Variants in ADAMTS17 observed in about 807,000 individuals in gnomAD.
The protein encoded by ADAMTS17 is ADAM metallopeptidase with thrombospondin type 1 motif 17, also known as A disintegrin and metalloproteinase with thrombospondin motifs 17.
Under a neutral mutation model 141.5 loss-of-function variants are expected in ADAMTS17, and 113 were observed. The observed-to-expected ratio is 0.80, with a 90% CI of 0.69 to 0.93. The LOEUF (loss-of-function observed/expected upper bound fraction) is 0.93. Among genes scored for constraint, ADAMTS17 ranks in the 40% least tolerant of loss-of-function variants. The probability of loss-of-function intolerance (pLI) is 0.00; values close to 1 mark genes in which losing one functional copy is unlikely to be tolerated. For synonymous variants in ADAMTS17, 768 were observed against 630.6 expected (o/e 1.22, Z -3.27); for missense variants, 1,659 against 1,517.9 (o/e 1.09, Z -1.54).
chr15:100,019,199 C>T (rs1314198892), intron 18 of ADAMTS17, among the ~76,000 whole-genome samples: 1 of 152,160 alleles, frequency 6.6e-6, no homozygotes, highest in African/African-American at 2.4e-5. Flanking sequence ...CTATTTAAGA[C>T]ACAACAAACA....
chr15:100,099,746 GA>G (rs2035981247), intron 14 of ADAMTS17, among the ~76,000 whole-genome samples: 2 of 135,990 alleles, frequency 1.5e-5, no homozygotes, highest in African/African-American at 5.6e-5. Flanking sequence ...GGGATGGTAT[GA>G]GATGGTATGA....
At position 100,284,794 on chromosome 15, in the gene ADAMTS17, T is replaced by C. The variant is rs114301298; in HGVS notation, c.617-3393A>G. On this transcript the variant is annotated intron_variant, in intron 3 of 21. Coordinates refer to ENST00000268070, the MANE Select transcript of ADAMTS17 (RefSeq NM_139057.4). ...CTGCACAGATGCCAATATTCACAGA[T>C]GATAGCAACTTCAAAAGTAAGAAGA... 7.6e-3 allele frequency among the ~76,000 whole-genome samples: 1,156 copies of C among 152,296 alleles called. 17 individuals carry two copies. Among genetic ancestry groups the C allele is most frequent in the African/African-American group, 0.026 (1,095 of 41,556 alleles).
At chr15:100,219,236 T>C (rs1005788770) in intron 7 of ADAMTS17, among the ~76,000 whole-genome samples, 1 of 152,204 alleles carries the variant, frequency 6.6e-6, no homozygotes, top group African/African-American at 2.4e-5. Flanking sequence ...ACAGGGTTTA[T>C]TTCTGGGGTG....
intron 3 of ADAMTS17, among the ~76,000 whole-genome samples, chr15:100,292,938 G>C (rs1390282099): frequency 6.6e-6 from 1 of 152,182 alleles, no homozygotes; most frequent in Non-Finnish European, 1.5e-5. Context: ...AAAACACCAA[G>C]GAAGACCCCA....
chr15:100,015,985 C>T (rs1371021837), intron 18 of ADAMTS17, among the ~76,000 whole-genome samples: 2 of 152,216 alleles, frequency 1.3e-5, no homozygotes, highest in African/African-American at 4.8e-5. Flanking sequence ...GATTTCTCTT[C>T]TTCCTCAGGA....
Position 100,133,137 on chromosome 15 carries a change from TTG to T in ADAMTS17, c.1575+75_1575+76del, listed in dbSNP as rs924232800. 8 of 1,364,470 alleles carry T rather than the reference TTG, an allele frequency of 5.9e-6. No individual in the cohort carries two copies. The Admixed American group carries it at 7.9e-5, about 13-fold the overall frequency. The allele number at this position is 1,364,470 out of a possible 1,614,324, so 84.5% of individuals were successfully genotyped here. On this transcript the variant is annotated intron_variant, in intron 11 of 21. Coordinates refer to ENST00000268070, the MANE Select transcript of ADAMTS17 (RefSeq NM_139057.4). ...CAGGGGCTCCTAAGTAGAGTACAGA[TTG>T]TGTGTCAGAAGAGGTGCCAGTTGCC...
At chr15:100,042,950 T>C (rs2031381262) in intron 18 of ADAMTS17, among the ~76,000 whole-genome samples, 1 of 152,244 alleles carries the variant, frequency 6.6e-6, no homozygotes, top group South Asian at 2.1e-4. Context: ...TATATGTATA[T>C]GGTGCATGTA....
chr15:100,151,994 T>C (rs930699518), intron 10 of ADAMTS17, among the ~76,000 whole-genome samples: 1 of 152,190 alleles, frequency 6.6e-6, no homozygotes. Flanking sequence ...TTTGACTTGG[T>C]GTTGTCATCT....
At chr15:100,130,077 T>C (rs187442724) in intron 12 of ADAMTS17, among the ~76,000 whole-genome samples, 1 of 152,218 alleles carries the variant, frequency 6.6e-6, no homozygotes, top group East Asian at 1.9e-4. Context: ...TAAGAAGTCA[T>C]TCCTGGATTG....
intron 2 of ADAMTS17, among the ~76,000 whole-genome samples, chr15:100,337,477 T>C (rs759727085): frequency 6.6e-6 from 1 of 152,234 alleles, no homozygotes; most frequent in African/African-American, 2.4e-5. Flanking sequence ...CAAGGTGGCC[T>C]GGAACGTGGA....
chr15:100,233,087 G>C (rs2042539108), intron 7 of ADAMTS17, among the ~76,000 whole-genome samples: 1 of 152,170 alleles, frequency 6.6e-6, no homozygotes, highest in Non-Finnish European at 1.5e-5. Context: ...CTAGCACTTT[G>C]GGAGGCTAAG....
At position 100,054,094 on chromosome 15, in the gene ADAMTS17, G is replaced by C. The variant is rs28587358; in HGVS notation, c.2138-40C>G. On this transcript the variant is annotated intron_variant, in intron 15 of 21. Coordinates refer to ENST00000268070, the MANE Select transcript of ADAMTS17 (RefSeq NM_139057.4). ...GAAGACCAAAGAATCAAGGGGCTGG[G>C]GGTAGGGGGATCCAGCCTGTCTTTA... The C allele has an allele frequency of 0.23, 378,460 of 1,612,062 alleles. 46,957 individuals carry two copies. Among genetic ancestry groups the C allele is most frequent in the East Asian group, 0.45 (20,375 of 44,858 alleles).
intron 14 of ADAMTS17, among the ~76,000 whole-genome samples, chr15:100,106,852 A>C (rs935465550): frequency 6.6e-6 from 1 of 152,194 alleles, no homozygotes; most frequent in African/African-American, 2.4e-5. Flanking sequence ...AACAATGATA[A>C]GGGCTTTGTT....
chr15:100,127,067 G>A (rs2037774096), intron 12 of ADAMTS17, among the ~76,000 whole-genome samples: 1 of 152,182 alleles, frequency 6.6e-6, no homozygotes, highest in Non-Finnish European at 1.5e-5. Context: ...TAAGGAAAGG[G>A]AAGACAGCAC....
rs1415325200 is a variant in ADAMTS17 at position 99,993,767 on chromosome 15, A to G, written c.2797-567T>C. Among the ~76,000 whole-genome samples, 1 of 152,236 alleles carries G rather than the reference A, an allele frequency of 6.6e-6. No individual in the cohort carries two copies. Among genetic ancestry groups the G allele is most frequent in the East Asian group, 1.9e-4 (1 of 5,200 alleles). On this transcript the variant is annotated intron_variant, in intron 19 of 21. Transcript: ENST00000268070. This position sits in a 1 kb window ranked among gnomAD's most constrained non-coding sequence, Gnocchi z 4.3. ...TGAGGCAGGTGGAAAGCCTTTGCAGAGAGCTCCAGTGAATGTCTGAATGCA... is the reference window on the plus strand; with the variant it reads ...TGAGGCAGGTGGAAAGCCTTTGCAGGGAGCTCCAGTGAATGTCTGAATGCA...
intron 3 of ADAMTS17, among the ~76,000 whole-genome samples, chr15:100,283,337 G>A (rs1368329497): frequency 6.6e-6 from 1 of 152,190 alleles, no homozygotes; most frequent in Non-Finnish European, 1.5e-5. Context: ...CAGAAGGAAA[G>A]AGGCCGCTGG....
At chr15:100,003,166 G>A (rs1270937169) in intron 18 of ADAMTS17, among the ~76,000 whole-genome samples, 3 of 152,088 alleles carry the variant, frequency 2.0e-5, no homozygotes, top group Non-Finnish European at 4.4e-5. Flanking sequence ...CCATAAGAGA[G>A]GAGCACAAAT....
At chr15:100,180,315 T>C (rs1567310475) in intron 8 of ADAMTS17, among the ~76,000 whole-genome samples, 1 of 152,214 alleles carries the variant, frequency 6.6e-6, no homozygotes, top group Non-Finnish European at 1.5e-5. Context: ...TCGTCAAAAA[T>C]GAGTTCACTG....
intron 20 of ADAMTS17, chr15:99,978,882 G>A (rs911784597): frequency 1.3e-5 from 2 of 152,234 alleles, no homozygotes; most frequent in African/African-American, 4.8e-5. Context: ...TGGGCATTCA[G>A]AACCGAGGGC....
Sources: gnomAD v4.1 joint callset for allele counts (sites outside exome capture counted in the v4.1 genomes callset) on GRCh38, gnomAD v4.1.1 for gene constraint, Gnocchi (gnomAD v3.1) non-coding constraint, MANE v1.5 for transcripts, NCBI Gene and HGNC (gene_info 2026-07-23, HGNC 2026-07-21) for gene names.